PDE11A: variants seen among roughly 807,000 people sequenced by gnomAD.
PDE11A encodes dual 3',5'-cyclic-AMP and -GMP phosphodiesterase 11A.
Under a neutral mutation model 100.5 loss-of-function variants are expected in PDE11A, and 100 were observed. The observed-to-expected ratio is 1.00, with a 90% CI of 0.85 to 1.18. PDE11A has a LOEUF of 1.18. Ranked by LOEUF, PDE11A falls within the 50% of genes most tolerant of loss-of-function variation. PDE11A has a pLI of 0.00. For missense variants in PDE11A, 1,141 were observed against 1,152.6 expected (o/e 0.99, Z 0.15); for synonymous variants, 381 against 420.8 (o/e 0.91, Z 1.16).
chr2:178,078,912 C>T lies in PDE11A; in HGVS notation c.162+25390G>A, dbSNP rs917672539. On this transcript the variant is annotated intron_variant, in intron 2 of 20. Coordinates refer to the PDE11A transcript ENST00000358450. ...TCCTCAAGGAACATGTACAGTATAG[C>T]TAGGGAGGTAGAACATTTACATTAA... is the stretch of plus-strand genomic sequence containing the variant. Among the ~76,000 whole-genome samples, 16 of 152,146 alleles carry T rather than the reference C, an allele frequency of 1.1e-4. No individual in the cohort carries two copies. In the Middle Eastern group the frequency reaches 0.01, roughly 97 times the overall value.
At chr2:177,874,168 T>C (rs1247232064) in intron 5 of PDE11A, among the ~76,000 whole-genome samples, 7 of 152,198 alleles carry the variant, frequency 4.6e-5, no homozygotes, top group Admixed American at 4.6e-4. Context: ...CTTATCTAAG[T>C]GACCTTGTCC....
intron 19 of PDE11A, among the ~76,000 whole-genome samples, chr2:177,638,813 T>G (rs1464677814): frequency 6.6e-6 from 1 of 152,246 alleles, no homozygotes; most frequent in Admixed American, 6.5e-5. Flanking sequence ...AGGCTTTTCT[T>G]GGGTACTCTA....
At chr2:177,931,911 C>CAAAAAAAA (rs71410773) in intron 2 of PDE11A, among the ~76,000 whole-genome samples, 17 of 80,222 alleles carry the variant, frequency 2.1e-4, no homozygotes, top group Non-Finnish European at 2.8e-4. Flanking sequence ...GCTAGATTAA[C>CAAAAAAAA]AAAAAAAAAA....
chr2:177,966,044 C>T (rs180763732), intron 2 of PDE11A, among the ~76,000 whole-genome samples: 16 of 152,072 alleles, frequency 1.1e-4, no homozygotes, highest in East Asian at 3.9e-4. Flanking sequence ...AGCAGTGTTT[C>T]GTAATTCACA....
intron 2 of PDE11A, among the ~76,000 whole-genome samples, chr2:177,954,345 C>G (rs575111975): frequency 6.6e-6 from 1 of 152,140 alleles, no homozygotes; most frequent in Admixed American, 6.6e-5. Flanking sequence ...ATCAAGTATC[C>G]TCCATAAAAG....
chr2:177,693,835 A>C (rs945406125), intron 15 of PDE11A, among the ~76,000 whole-genome samples: 1 of 152,238 alleles, frequency 6.6e-6, no homozygotes, highest in African/African-American at 2.4e-5. Flanking sequence ...ATCAGCAAAA[A>C]AGGAGATGAA....
chr2:177,887,085 C>G (rs2084446443), intron 4 of PDE11A, among the ~76,000 whole-genome samples: 1 of 152,116 alleles, frequency 6.6e-6, no homozygotes, highest in Non-Finnish European at 1.5e-5. Context: ...AGCAGGAAAT[C>G]TGAGCCACCA....
chr2:177,766,158 G>A lies in PDE11A; in HGVS notation c.1788+3165C>T, dbSNP rs1386752107. Among the ~76,000 whole-genome samples, 7 of 152,260 alleles carry A rather than the reference G, an allele frequency of 4.6e-5. No individual in the cohort carries two copies. The East Asian group carries it at 5.8e-4, about 13-fold the overall frequency. On this transcript the variant is annotated intron_variant, in intron 10 of 19. Coordinates refer to ENST00000286063, the MANE Select transcript of PDE11A (RefSeq NM_016953.4). ...TTCCATGGACCTGGGAGGGGTGGGG[G>A]TGTGGGAATGGTTTTGGAATAAAAT...
chr2:177,693,263 G>A (rs1014193005), intron 15 of PDE11A, among the ~76,000 whole-genome samples: 1 of 152,174 alleles, frequency 6.6e-6, no homozygotes, highest in Non-Finnish European at 1.5e-5. Context: ...ACAGGGATGA[G>A]ACAGCTGCAG....
chr2:177,900,114 T>C (rs1322604972), intron 3 of PDE11A, among the ~76,000 whole-genome samples: 1 of 152,126 alleles, frequency 6.6e-6, no homozygotes, highest in Non-Finnish European at 1.5e-5. Flanking sequence ...AAATAATAAA[T>C]AATATTTGTT....
rs1257178630 is a variant in PDE11A, at chr2:178,096,164, C to CTTTTTTTTTTTTTTTTTTTTT, written c.162+8137_162+8138insAAAAAAAAAAAAAAAAAAAAA. On this transcript the variant is annotated intron_variant, in intron 2 of 20. Coordinates refer to the PDE11A transcript ENST00000358450. ...TCCCCAGAAAACAGGTTTTTCTTTTCTTTTCTTTTTTTTTTTTGAGATGGA... is the reference window on the plus strand; with the variant it reads ...TCCCCAGAAAACAGGTTTTTCTTTTCTTTTTTTTTTTTTTTTTTTTTTTTTCTTTTTTTTTTTTGAGATGGA... Among the ~76,000 whole-genome samples, 102 of 110,264 alleles carry CTTTTTTTTTTTTTTTTTTTTT rather than the reference C, an allele frequency of 9.3e-4. 1 individual carries two copies. Among genetic ancestry groups the CTTTTTTTTTTTTTTTTTTTTT allele is most frequent in the African/African-American group, 1.2e-3 (34 of 28,412 alleles). 72.3% of individuals were successfully genotyped at this position (110,264 alleles called of 152,430 possible).
At chr2:178,070,306 C>T (rs1354801025) in intron 1 of PDE11A, among the ~76,000 whole-genome samples, 1 of 152,166 alleles carries the variant, frequency 6.6e-6, no homozygotes, top group Admixed American at 6.5e-5. Flanking sequence ...TGGCAGATAT[C>T]TCACAAAAAT....
chr2:177,874,740 A>G (rs573704978), intron 5 of PDE11A, among the ~76,000 whole-genome samples: 1 of 152,356 alleles, frequency 6.6e-6, no homozygotes, highest in African/African-American at 2.4e-5. Context: ...GGCTGTCTGT[A>G]CAGCTAAGAT....
intron 2 of PDE11A, among the ~76,000 whole-genome samples, chr2:177,917,100 C>A (rs1192969159): frequency 6.6e-6 from 1 of 151,978 alleles, no homozygotes; most frequent in African/African-American, 2.4e-5. Flanking sequence ...TATACTACCA[C>A]AAACTCAGCA....
chr2:178,068,942 T>A (rs1247548014), intron 1 of PDE11A, among the ~76,000 whole-genome samples: 1 of 152,232 alleles, frequency 6.6e-6, no homozygotes, highest in East Asian at 1.9e-4. Flanking sequence ...TATTTTCATG[T>A]TCCTTGAATG....
intron 6 of PDE11A, among the ~76,000 whole-genome samples, chr2:177,835,431 G>A (rs1197727973): frequency 1.3e-5 from 2 of 152,192 alleles, no homozygotes; most frequent in African/African-American, 4.8e-5. Flanking sequence ...CCCCTCGGAT[G>A]CATCCTCCAA....
Position 177,730,953 on chromosome 2 carries a change from C to T in PDE11A, c.1789-2781G>A, listed in dbSNP as rs547002014. ...TTAAACAATTCCCCATTTCCTCCTC[C>T]TCCCAGCTACTGACAACCACCATTC... On this transcript the variant is annotated intron_variant, in intron 10 of 19. Transcript: ENST00000286063. Among the ~76,000 whole-genome samples the T allele has an allele frequency of 9.9e-5, 15 of 152,234 alleles. No homozygotes were observed. The South Asian group carries it at 2.1e-3, about 21-fold the overall frequency.
At chr2:177,912,662 A>G (rs2084899610) in intron 2 of PDE11A, among the ~76,000 whole-genome samples, 1 of 152,144 alleles carries the variant, frequency 6.6e-6, no homozygotes, top group African/African-American at 2.4e-5. Context: ...TCCTTTCTAA[A>G]ATAATTTTTT....
intron 2 of PDE11A, among the ~76,000 whole-genome samples, chr2:177,908,179 C>A (rs1466234436): frequency 2.0e-5 from 3 of 152,202 alleles, no homozygotes; most frequent in Non-Finnish European, 2.9e-5. Flanking sequence ...ATATGATAGT[C>A]TGGTTAACTG....
Sources: allele counts gnomAD v4.1 joint callset (sites outside exome capture counted in the v4.1 genomes callset), GRCh38; gene constraint gnomAD v4.1.1; transcripts MANE v1.5; gene names NCBI Gene and HGNC (gene_info 2026-07-23, HGNC 2026-07-21).